Variants in MZT2B observed in about 807,000 individuals in gnomAD.
MZT2B encodes the protein mitotic-spindle organizing protein 2B.
A neutral mutation model predicts 12.1 loss-of-function variants in MZT2B; 11 were observed. That is an observed-to-expected ratio of 0.91 (90% CI 0.57 to 1.50). The LOEUF (loss-of-function observed/expected upper bound fraction) is 1.50. MZT2B is among the 40% of genes most tolerant of loss of function. The probability of loss-of-function intolerance (pLI) is 0.00; values close to 1 mark genes in which losing one functional copy is unlikely to be tolerated. For synonymous variants in MZT2B, 85 were observed against 109.5 expected, an observed-to-expected ratio of 0.78 and a Z score of 1.40; for missense variants, 209 against 227.7, an observed-to-expected ratio of 0.92 and a Z score of 0.53.
intron 2 of MZT2B, chr2:130,184,382 T>C: frequency 1.0e-6 from 1 of 985,372 alleles, no homozygotes; most frequent in African/African-American, 1.7e-5. Context: ...ACTCCCACCT[T>C]CCCAGAGTCT....
chr2:130,204,435 A>G, the MZT2B span: 3 of 387,980 alleles, frequency 7.7e-6, no homozygotes, highest in African/African-American at 4.3e-5. Flanking sequence ...TCACGCCTGT[A>G]ATCCCAGCAC....
upstream of MZT2B, chr2:130,182,246 C>G: frequency 1.6e-6 from 2 of 1,238,758 alleles, no homozygotes; most frequent in Non-Finnish European, 2.0e-6. Flanking sequence ...CTAGGGGGCG[C>G]GGCGGGGCGG....
Position 130,182,731 on chromosome 2 carries a change from C to T in MZT2B, c.275C>T (p.Pro92Leu), listed in dbSNP as rs1247164687. Residue 92 changes from proline to leucine, a missense_variant, in exon 2 of 3, where the codon CCT becomes CTT. Pro to Leu is a moderately conservative substitution (Grantham distance 98). Coordinates refer to ENST00000281871, the MANE Select transcript of MZT2B (RefSeq NM_025029.5). ...GQRLASEPQD[P>L]AAVSLPTSSV... ...AGGCTAGCGAGCGAGCCCCAGGACC[C>T]TGCGGCCGTGTCTCTGCCCACGTCG... is the stretch of plus-strand genomic sequence containing the variant. 5 of 1,532,088 alleles carry T rather than the reference C, an allele frequency of 3.3e-6. No individual in the cohort carries two copies. In the South Asian group the frequency reaches 6.1e-5, roughly 19 times the overall value. 94.9% of individuals were successfully genotyped at this position (1,532,088 alleles called of 1,614,324 possible). A position where few individuals can be genotyped will look rare whatever the true frequency, so the allele number is the denominator to read the frequency against.
Position 130,182,426 on chromosome 2 carries a change from C to G in MZT2B, c.144C>G (p.Gly48=). 1.3e-6 allele frequency: 2 copies of G among 1,562,326 alleles called. No individual in the cohort carries two copies. Among genetic ancestry groups the G allele is most frequent in the Admixed American group, 1.9e-5 (1 of 53,080 alleles). The part of the protein sequence containing the change: ...MELYELAQAA[G]GAIDPDVFKI... ...TGTACGAGCTGGCGCAGGCGGCGGG[C>G]GGCGCTATCGACCCCGACGTGTTCA... Residue 48 remains glycine (G), a synonymous_variant, in exon 1 of 3, where the codon GGC becomes GGG. Transcript: ENST00000281871.
At chr2:130,191,401 T>G (rs1260894793), downstream of MZT2B, among the ~76,000 whole-genome samples, 1 of 152,124 alleles carries the variant, frequency 6.6e-6, no homozygotes, top group African/African-American at 2.4e-5. Flanking sequence ...ACCCACAGCT[T>G]TAGAGACTTC....
At chr2:130,195,211 C>G, downstream of MZT2B, 1 of 1,613,866 alleles carries the variant, frequency 6.2e-7, no homozygotes. Context: ...GCCTGTAGGT[C>G]CCTGTGCGCA....
intron 2 of MZT2B, among the ~76,000 whole-genome samples, chr2:130,189,495 GAGTC>G (rs1165537181): frequency 3.3e-5 from 5 of 152,148 alleles, no homozygotes; most frequent in Admixed American, 2.6e-4. Context: ...ACCCAACACT[GAGTC>G]AGGCAGGGGA....
the MZT2B span, chr2:130,198,581 T>C: frequency 5.9e-6 from 3 of 510,288 alleles, no homozygotes; most frequent in South Asian, 6.0e-5. Flanking sequence ...TGCTCTCTGA[T>C]TGGATGCAGG....
chr2:130,190,650 C>A lies in MZT2B; in HGVS notation c.*24C>A, dbSNP rs372756139. 1 of 1,584,266 alleles carries A rather than the reference C, an allele frequency of 6.3e-7. No homozygotes were observed. The highest frequency in any genetic ancestry group is 1.3e-5 in the African/African-American group (1 of 74,234). ...AGGATGGGGCAGAGACTTGTTGCAT[C>A]TTTGTCCCCAGCAAAGGCTACATGT... On this transcript the variant is annotated 3_prime_UTR_variant, in exon 3 of 3. Coordinates refer to ENST00000281871, the MANE Select transcript of MZT2B (RefSeq NM_025029.5).
intron 2 of MZT2B, among the ~76,000 whole-genome samples, chr2:130,186,473 G>A (rs1444459548): frequency 6.6e-6 from 1 of 152,194 alleles, no homozygotes; most frequent in African/African-American, 2.4e-5. Flanking sequence ...GAAACTATAC[G>A]TTTTAAAAGT....
At chr2:130,191,150 CTG>C (rs1690248342), downstream of MZT2B, among the ~76,000 whole-genome samples, 2 of 152,086 alleles carry the variant, frequency 1.3e-5, no homozygotes, top group African/African-American at 4.8e-5. Flanking sequence ...CGGGGTTTCA[CTG>C]TGTTAGCTAG....
intron 2 of MZT2B, chr2:130,184,952 C>T: frequency 1.1e-6 from 1 of 920,690 alleles, no homozygotes; most frequent in Non-Finnish European, 1.3e-6. Context: ...ATCCCTTGAG[C>T]TCAGGAGTTC....
chr2:130,189,686 A>G (rs1315757576), intron 2 of MZT2B, among the ~76,000 whole-genome samples: 1 of 152,232 alleles, frequency 6.6e-6, no homozygotes, highest in Non-Finnish European at 1.5e-5. Flanking sequence ...CCCTGAGCCC[A>G]GGGAAATCCA....
At chr2:130,193,796 G>A (rs540366073), downstream of MZT2B, 1 of 1,607,766 alleles carries the variant, frequency 6.2e-7, no homozygotes, top group African/African-American at 1.3e-5. Context: ...CTTAAATCCA[G>A]TCGGGCACCA....
chr2:130,189,266 A>G (rs534408314), intron 2 of MZT2B, among the ~76,000 whole-genome samples: 2 of 152,194 alleles, frequency 1.3e-5, no homozygotes, highest in South Asian at 2.1e-4. Flanking sequence ...TGAGGGTGCA[A>G]GGAATTTGGC....
the MZT2B span, chr2:130,202,170 T>C: frequency 2.2e-6 from 1 of 459,974 alleles, no homozygotes; most frequent in East Asian, 9.8e-5. Flanking sequence ...CCCCTAAGTA[T>C]TGCTGCCTTG....
rs1690032665 is a variant in MZT2B, at chr2:130,185,634, C to T, written c.319+2859C>T. 2.8e-5 allele frequency among the ~76,000 whole-genome samples: 2 copies of T among 70,720 alleles called. 1 individual carries two copies. The highest frequency in any genetic ancestry group is 5.9e-5 in the Non-Finnish European group (2 of 34,082). 46.4% of individuals were successfully genotyped at this position (70,720 alleles called of 152,430 possible). A position where few individuals can be genotyped will look rare whatever the true frequency, so the allele number is the denominator to read the frequency against. ...CGTGTGAGCTGGGGCAGTGGGAGGG[C>T]GTGGGTGAGGCAGAGCGCTGTCCAG... On this transcript the variant is annotated intron_variant, in intron 2 of 2. Coordinates refer to ENST00000281871, the MANE Select transcript of MZT2B (RefSeq NM_025029.5).
intron 1 of MZT2B, 42 bp downstream of exon 1, chr2:130,182,494 C>T (rs1287298461): frequency 1.9e-6 from 3 of 1,541,012 alleles, no homozygotes; most frequent in East Asian, 2.4e-5. Context: ...CCAGACACCC[C>T]CCGACCTCTG....
At chr2:130,194,534 G>A, downstream of MZT2B, 1 of 1,479,670 alleles carries the variant, frequency 6.8e-7, no homozygotes, top group African/African-American at 1.4e-5. Flanking sequence ...AACAAGCCAG[G>A]GCCGCTTCTC....
Sources: allele counts gnomAD v4.1 joint callset (sites outside exome capture counted in the v4.1 genomes callset), GRCh38; gene constraint gnomAD v4.1.1; transcripts MANE v1.5; gene names NCBI Gene and HGNC (gene_info 2026-07-23, HGNC 2026-07-21).